Variants in PRKRIP1 observed in about 807,000 individuals in gnomAD.
The protein encoded by PRKRIP1 is PRKR interacting protein 1, also known as PRKR-interacting protein 1.
PRKRIP1 carries 29 observed loss-of-function variants against 29.3 expected under a neutral mutation model. That is an observed-to-expected ratio of 0.99 (90% CI 0.74 to 1.35). The LOEUF is 1.35. Ranked by LOEUF, PRKRIP1 falls within the 40% of genes most tolerant of loss-of-function variation. The probability of loss-of-function intolerance (pLI) is 0.00; values close to 1 mark genes in which losing one functional copy is unlikely to be tolerated. For missense variants in PRKRIP1, 247 were observed against 236.8 expected (o/e 1.04, Z -0.28); for synonymous variants, 90 against 85.1 (o/e 1.06, Z -0.32).
intron 5 of PRKRIP1, among the ~76,000 whole-genome samples, chr7:102,410,292 T>C (rs1237395044): frequency 6.6e-6 from 1 of 152,206 alleles, no homozygotes; most frequent in Non-Finnish European, 1.5e-5. Flanking sequence ...GTCAGTTTCT[T>C]GTTTGTGTCA....
intron 4 of PRKRIP1, 25 bp from the exon 5 acceptor site, chr7:102,407,409 A>G (rs1554571989): frequency 6.8e-6 from 10 of 1,460,996 alleles, no homozygotes; most frequent in African/African-American, 1.4e-5. Context: ...TTAAGGAATC[A>G]ATGTATATGG....
chr7:102,399,520 C>G, intron 2 of PRKRIP1, 28 bp from the exon 3 acceptor site: 1 of 1,587,306 alleles, frequency 6.3e-7, no homozygotes. Flanking sequence ...TGAATTTCAT[C>G]TAGAACTGTG....
rs116731632 is a variant in PRKRIP1, at chr7:102,416,826, C to T, written c.458-8188C>T. 5.0e-3 allele frequency among the ~76,000 whole-genome samples: 765 copies of T among 151,918 alleles called. 4 individuals are homozygous for T. Among genetic ancestry groups the T allele is most frequent in the African/African-American group, 0.017 (719 of 41,450 alleles). On this transcript the variant is annotated intron_variant, in intron 5 of 5. Coordinates refer to ENST00000397912, the MANE Select transcript of PRKRIP1 (RefSeq NM_024653.4). ...TCCTGAGTAGCTGCAACTACAGATG[C>T]GCACCTCCACACCCTGCTAATTTTG... is the stretch of plus-strand genomic sequence containing the variant.
chr7:102,413,999 G>A (rs1255587886), intron 5 of PRKRIP1, among the ~76,000 whole-genome samples: 3 of 151,880 alleles, frequency 2.0e-5, no homozygotes, highest in South Asian at 2.1e-4. Context: ...AGGGCGAGGC[G>A]GACAGATCAC....
chr7:102,397,568 T>G, intron 1 of PRKRIP1, 52 bp from the exon 2 acceptor site: 1 of 1,433,656 alleles, frequency 7.0e-7, no homozygotes, highest in East Asian at 2.3e-5. Flanking sequence ...GGGAGATATA[T>G]AATTTTGTCA....
intron 5 of PRKRIP1, among the ~76,000 whole-genome samples, chr7:102,408,979 G>T (rs531620206): frequency 6.0e-4 from 91 of 152,274 alleles, no homozygotes; most frequent in South Asian, 1.9e-3. Context: ...TTCGAGACCA[G>T]CCTGGCCAAC....
At chr7:102,416,855 T>G (rs1554573181) in intron 5 of PRKRIP1, among the ~76,000 whole-genome samples, 1 of 151,476 alleles carries the variant, frequency 6.6e-6, no homozygotes, top group Non-Finnish European at 1.5e-5. Flanking sequence ...AATTTTGGTG[T>G]TTTGTTTGTT....
At chr7:102,402,653 A>G (rs534217050) in intron 3 of PRKRIP1, among the ~76,000 whole-genome samples, 209 of 152,220 alleles carry the variant, frequency 1.4e-3, no homozygotes, top group Non-Finnish European at 2.5e-3. Flanking sequence ...CCTCTATGCA[A>G]ATGCAAAGAT....
chr7:102,409,897 T>G (rs1796334601), intron 5 of PRKRIP1, among the ~76,000 whole-genome samples: 1 of 152,152 alleles, frequency 6.6e-6, no homozygotes. Flanking sequence ...GTTTGTTGGT[T>G]TTGCTGCTTA....
intron 5 of PRKRIP1, among the ~76,000 whole-genome samples, chr7:102,419,037 C>T (rs1434870228): frequency 1.3e-5 from 2 of 152,008 alleles, no homozygotes; most frequent in Admixed American, 1.3e-4. Flanking sequence ...GAGGTCATTT[C>T]GTACATTTAT....
Position 102,404,384 on chromosome 7 carries a change from TAA to T in PRKRIP1, c.307-211_307-210del, listed in dbSNP as rs1261996693. On this transcript the variant is annotated intron_variant, in intron 3 of 5. Coordinates refer to ENST00000397912, the MANE Select transcript of PRKRIP1 (RefSeq NM_024653.4). Reference sequence around the variant, plus strand: ...ATGCATGAGTGGTGCCTCAGTCAACTAAAAGAGTTACTTCGCCATCGGAGACC... The same window carrying T: ...ATGCATGAGTGGTGCCTCAGTCAACTAAGAGTTACTTCGCCATCGGAGACC... The T allele has an allele frequency of 5.7e-6, 3 of 524,536 alleles. No homozygotes were observed. In the Admixed American group the frequency reaches 9.4e-5, roughly 16 times the overall value. 32.5% of individuals were successfully genotyped at this position (524,536 alleles called of 1,614,324 possible). A position where few individuals can be genotyped will look rare whatever the true frequency, so the allele number is the denominator to read the frequency against.
intron 5 of PRKRIP1, among the ~76,000 whole-genome samples, chr7:102,409,823 C>CA (rs1335904564): frequency 3.3e-5 from 5 of 151,626 alleles, no homozygotes; most frequent in Admixed American, 2.0e-4. Context: ...GATTCTGTCT[C>CA]AAAAAAATAA....
chr7:102,416,683 G>GTTT (rs11455142), intron 5 of PRKRIP1, among the ~76,000 whole-genome samples: 22 of 143,132 alleles, frequency 1.5e-4, no homozygotes, highest in Non-Finnish European at 1.7e-4. Context: ...TTTGTGGGGT[G>GTTT]TTTTTTTTTT....
intron 5 of PRKRIP1, among the ~76,000 whole-genome samples, chr7:102,424,342 G>A (rs1796780096): frequency 6.6e-6 from 1 of 152,274 alleles, no homozygotes; most frequent in Non-Finnish European, 1.5e-5. Flanking sequence ...CGGCGTCCTG[G>A]CATGGCTGAG....
chr7:102,403,369 C>T (rs1554571418), intron 3 of PRKRIP1, among the ~76,000 whole-genome samples: 1 of 152,206 alleles, frequency 6.6e-6, no homozygotes, highest in Non-Finnish European at 1.5e-5. Flanking sequence ...TGCAGACCAG[C>T]AGAGGTGTTG....
intron 4 of PRKRIP1, chr7:102,405,924 A>G: frequency 3.0e-6 from 1 of 338,718 alleles, no homozygotes; most frequent in Non-Finnish European, 5.8e-6. Context: ...CTTGGAAAGC[A>G]TTTTCTGCAT....
chr7:102,404,128 A>C (rs1428151255), intron 3 of PRKRIP1, among the ~76,000 whole-genome samples: 1 of 152,176 alleles, frequency 6.6e-6, no homozygotes, highest in Non-Finnish European at 1.5e-5. Context: ...GTGCCACTGC[A>C]CTCCAGCCTA....
intron 5 of PRKRIP1, among the ~76,000 whole-genome samples, chr7:102,417,472 G>T (rs1472398322): frequency 6.6e-6 from 1 of 152,146 alleles, no homozygotes; most frequent in East Asian, 1.9e-4. Context: ...CCATCTATCA[G>T]TATGAGCTTG....
intron 5 of PRKRIP1, among the ~76,000 whole-genome samples, chr7:102,407,744 G>C (rs1337134652): frequency 6.6e-6 from 1 of 151,816 alleles, no homozygotes. Flanking sequence ...TGGCTGGTCA[G>C]GGAGATCAGT....
Sources: allele counts gnomAD v4.1 joint callset (sites outside exome capture counted in the v4.1 genomes callset), GRCh38; gene constraint gnomAD v4.1.1; transcripts MANE v1.5; gene names NCBI Gene and HGNC (gene_info 2026-07-23, HGNC 2026-07-21).